The following BTBD16 variants were observed in gnomAD, a reference collection of about 807,000 sequenced individuals.
The protein encoded by BTBD16 is BTB domain containing 16, also known as BTB/POZ domain-containing protein 16.
BTBD16 carries 66 observed loss-of-function variants against 67.4 expected under a neutral mutation model. The observed-to-expected ratio is 0.98, with a 90% CI of 0.80 to 1.20. BTBD16 has a LOEUF of 1.20. BTBD16 is among the 50% of genes most tolerant of loss of function. BTBD16 has a pLI of 0.00. For missense variants in BTBD16, 634 were observed against 616.0 expected (o/e 1.03, Z -0.31); for synonymous variants, 242 against 236.4 (o/e 1.02, Z -0.22).
At chr10:122,322,024 T>C (rs1169462897) in intron 10 of BTBD16, among the ~76,000 whole-genome samples, 1 of 152,156 alleles carries the variant, frequency 6.6e-6, no homozygotes, top group African/African-American at 2.4e-5. Context: ...CTATAGAATT[T>C]GTTGTGATGG....
chr10:122,283,862 C>G lies in BTBD16; in HGVS notation c.179C>G (p.Ser60Ter). The G allele has an allele frequency of 6.2e-7, 1 of 1,613,938 alleles. No individual in the cohort carries two copies. The highest frequency in any genetic ancestry group is 1.1e-5 in the South Asian group (1 of 91,060). The stretch of plus-strand genomic sequence containing the variant: ...CATTTTCCCTTGAGGTTATGCATTT[C>G]ACAAATCCAGAAGTTTTTCTTTGAG... Reference protein sequence around the residue: ...ALRNPDRLCISQIQKFFFENF... With the variant: ...ALRNPDRLCI The change falls in exon 4 of 16, where the codon TCA (serine) becomes TGA (stop). Residue 60 changes from serine to a stop codon, truncating the protein, a stop_gained. Transcript: ENST00000260723. LOFTEE classifies it high-confidence loss of function.
intron 1 of BTBD16, among the ~76,000 whole-genome samples, chr10:122,274,341 CT>C (rs1162144433): frequency 6.6e-6 from 1 of 152,226 alleles, no homozygotes; most frequent in African/African-American, 2.4e-5. Flanking sequence ...CCGACTCATG[CT>C]GGAGGCAGCG....
intron 12 of BTBD16, 163 bp from the exon 13 acceptor site, chr10:122,332,273 A>T (rs2096456347): frequency 1.6e-6 from 1 of 626,092 alleles, no homozygotes; most frequent in Admixed American, 3.0e-5. Context: ...GTTTTCAATA[A>T]ATGTCTGTGA....
At chr10:122,321,950 T>C (rs900515249) in intron 10 of BTBD16, among the ~76,000 whole-genome samples, 2 of 152,194 alleles carry the variant, frequency 1.3e-5, no homozygotes, top group African/African-American at 4.8e-5. Flanking sequence ...AGGATTTTTA[T>C]AGTTTTAGGC....
At chr10:122,312,315 T>TC (rs1249170425) in intron 10 of BTBD16, among the ~76,000 whole-genome samples, 2 of 30,702 alleles carry the variant, frequency 6.5e-5, no homozygotes, top group South Asian at 1.0e-3. Flanking sequence ...TTTTCTTTTT[T>TC]TTTTTTTTTT....
At chr10:122,284,858 G>T (rs2096360529) in intron 4 of BTBD16, among the ~76,000 whole-genome samples, 1 of 152,088 alleles carries the variant, frequency 6.6e-6, no homozygotes, top group African/African-American at 2.4e-5. Context: ...GATTAGTGAT[G>T]GCTGCCATGC....
At chr10:122,289,779 T>C (rs1471427937) in intron 5 of BTBD16, 130 bp from the exon 6 acceptor site, 17 of 555,830 alleles carry the variant, frequency 3.1e-5, no homozygotes, top group Admixed American at 6.2e-5. Flanking sequence ...ATTACATCTA[T>C]GAAACAAATA....
intron 3 of BTBD16, among the ~76,000 whole-genome samples, chr10:122,277,507 A>G (rs1403441026): frequency 6.6e-6 from 1 of 152,174 alleles, no homozygotes; most frequent in East Asian, 1.9e-4. Context: ...ATTTGGCTCA[A>G]GGTTCTGCAG....
intron 1 of BTBD16, among the ~76,000 whole-genome samples, chr10:122,274,442 C>G (rs1410725795): frequency 6.6e-6 from 1 of 152,182 alleles, no homozygotes; most frequent in Non-Finnish European, 1.5e-5. Flanking sequence ...CTCCAGTTTC[C>G]TTTTGAGTCT....
At chr10:122,278,458 A>G (rs1024184039) in intron 3 of BTBD16, among the ~76,000 whole-genome samples, 1 of 152,214 alleles carries the variant, frequency 6.6e-6, no homozygotes, top group Non-Finnish European at 1.5e-5. Flanking sequence ...ATGAAGCCAT[A>G]TATTGAAAAT....
chr10:122,282,016 A>C (rs2096354195), intron 3 of BTBD16, among the ~76,000 whole-genome samples: 1 of 152,170 alleles, frequency 6.6e-6, no homozygotes, highest in African/African-American at 2.4e-5. Context: ...AGTGATCCTA[A>C]AATGAACCAC....
chr10:122,312,785 T>G (rs1232733454), intron 10 of BTBD16, among the ~76,000 whole-genome samples: 1 of 152,228 alleles, frequency 6.6e-6, no homozygotes, highest in Non-Finnish European at 1.5e-5. Flanking sequence ...TTTGTTCTTT[T>G]CTATGTTCTG....
At chr10:122,317,656 CAAAAAAACA>C (rs1422035901) in intron 10 of BTBD16, among the ~76,000 whole-genome samples, 10 of 118,158 alleles carry the variant, frequency 8.5e-5, no homozygotes, top group African/African-American at 1.9e-4. Context: ...CAAAAAAACA[CAAAAAAACA>C]AAAAAAACAA....
intron 1 of BTBD16, among the ~76,000 whole-genome samples, chr10:122,271,715 C>T (rs2096329061): frequency 6.6e-6 from 1 of 152,132 alleles, no homozygotes; most frequent in Non-Finnish European, 1.5e-5. Context: ...CCACAGGGAC[C>T]TTGGCACAGG....
At chr10:122,274,960 T>G in intron 1 of BTBD16, 80 bp from the exon 2 acceptor site, 1 of 915,710 alleles carries the variant, frequency 1.1e-6, no homozygotes, top group Non-Finnish European at 1.8e-6. Context: ...TGTGGCAAAG[T>G]ATAGATTCTT....
At chr10:122,306,980 T>C (rs1174658592) in intron 9 of BTBD16, among the ~76,000 whole-genome samples, 1 of 152,170 alleles carries the variant, frequency 6.6e-6, no homozygotes, top group African/African-American at 2.4e-5. Flanking sequence ...CAGGCCCTAG[T>C]GTCAGGCTGC....
intron 10 of BTBD16, among the ~76,000 whole-genome samples, chr10:122,313,993 C>G (rs1363742254): frequency 6.6e-6 from 1 of 152,116 alleles, no homozygotes; most frequent in African/African-American, 2.4e-5. Flanking sequence ...AAGACATCCC[C>G]CAATTTTGTT....
intron 10 of BTBD16, among the ~76,000 whole-genome samples, chr10:122,318,803 C>G (rs1041027473): frequency 6.6e-6 from 1 of 152,226 alleles, no homozygotes; most frequent in African/African-American, 2.4e-5. Context: ...CCAGGCTGGT[C>G]TCAAACTCCT....
At chr10:122,317,516 G>A (rs1361813220) in intron 10 of BTBD16, among the ~76,000 whole-genome samples, 1 of 151,996 alleles carries the variant, frequency 6.6e-6, no homozygotes, top group Admixed American at 6.6e-5. Flanking sequence ...GCATGGTGGC[G>A]GGCAGCTGTA....
Sources: gnomAD v4.1 joint callset for allele counts (sites outside exome capture counted in the v4.1 genomes callset) on GRCh38, gnomAD v4.1.1 for gene constraint, MANE v1.5 for transcripts, NCBI Gene and HGNC (gene_info 2026-07-23, HGNC 2026-07-21) for gene names.